NRXN1: variants seen among roughly 807,000 people sequenced by gnomAD.
NRXN1 encodes the protein neurexin-1.
A neutral mutation model predicts 150.9 loss-of-function variants in NRXN1; 39 were observed. That is an observed-to-expected ratio of 0.26 (90% CI 0.20 to 0.34). The LOEUF is 0.34. Ranked by LOEUF, NRXN1 falls within the 10% of genes least tolerant of loss-of-function variation. The pLI, the probability that NRXN1 is intolerant of heterozygous loss-of-function variation, is 1.00. For missense variants in NRXN1, 1,815 were observed against 1,949.9 expected (o/e 0.93, Z 1.30); for synonymous variants, 924 against 757.0 (o/e 1.22, Z -3.62).
chr2:50,653,458 A>G (rs1685932377), intron 5 of NRXN1, among the ~76,000 whole-genome samples: 1 of 152,060 alleles, frequency 6.6e-6, no homozygotes, highest in Non-Finnish European at 1.5e-5. Context: ...TTACAAGAGT[A>G]TATACTTCTA....
chr2:51,017,905 A>ATGC (rs1668980777), intron 2 of NRXN1, among the ~76,000 whole-genome samples: 1 of 152,092 alleles, frequency 6.6e-6, no homozygotes, highest in African/African-American at 2.4e-5. Flanking sequence ...CTATAGTCAT[A>ATGC]TGCTGCCATG....
intron 5 of NRXN1, chr2:50,829,796 G>A: frequency 6.7e-7 from 1 of 1,499,002 alleles, no homozygotes. Flanking sequence ...TATTTATGAA[G>A]TAACTTAACT....
intron 8 of NRXN1, among the ~76,000 whole-genome samples, chr2:50,557,935 A>C (rs777492126): frequency 1.1e-4 from 17 of 152,206 alleles, no homozygotes; most frequent in Non-Finnish European, 1.9e-4. Flanking sequence ...TTGGATGTAC[A>C]CATCAGGCTT....
At chr2:50,181,508 A>C (rs1425809151) in intron 18 of NRXN1, among the ~76,000 whole-genome samples, 2 of 152,126 alleles carry the variant, frequency 1.3e-5, no homozygotes, top group Non-Finnish European at 2.9e-5. Flanking sequence ...TTATGAGGGC[A>C]AATCAGTTAC....
intron 17 of NRXN1, among the ~76,000 whole-genome samples, chr2:50,277,947 C>T (rs967673853): frequency 6.6e-6 from 1 of 151,658 alleles, no homozygotes; most frequent in Admixed American, 6.6e-5. Context: ...ATTAAGTTAC[C>T]AGCACTGTTA....
chr2:50,343,907 T>C (rs2077735440), intron 17 of NRXN1, among the ~76,000 whole-genome samples: 1 of 152,240 alleles, frequency 6.6e-6, no homozygotes, highest in African/African-American at 2.4e-5. Context: ...ACAGCCTAGT[T>C]CATTTGTTCA....
chr2:49,974,830 A>T (rs1216913467), intron 21 of NRXN1, among the ~76,000 whole-genome samples: 1 of 151,322 alleles, frequency 6.6e-6, no homozygotes, highest in Non-Finnish European at 1.5e-5. Flanking sequence ...CCATTTTATC[A>T]ATCATTAAAA....
chr2:50,485,037 T>C (rs928431365), intron 15 of NRXN1, among the ~76,000 whole-genome samples: 5 of 152,320 alleles, frequency 3.3e-5, no homozygotes, highest in African/African-American at 9.6e-5. Flanking sequence ...TCTGTTTCTA[T>C]TGCTTTGTGC....
At chr2:50,683,646 A>AAAAAATATATAT in intron 5 of NRXN1, among the ~76,000 whole-genome samples, 3 of 14,906 alleles carry the variant, frequency 2.0e-4, no homozygotes, top group Admixed American at 1.1e-3. Context: ...AAAAAAAAAA[A>AAAAAATATATAT]ATATATATAT....
intron 8 of NRXN1, among the ~76,000 whole-genome samples, chr2:50,604,640 C>T (rs978796119): frequency 2.6e-5 from 4 of 152,236 alleles, no homozygotes; most frequent in African/African-American, 2.4e-5. Flanking sequence ...TACTACTTTT[C>T]GTTCAGTGCC....
chr2:50,468,183 T>A (rs1487168313), intron 16 of NRXN1, among the ~76,000 whole-genome samples: 1 of 151,532 alleles, frequency 6.6e-6, no homozygotes, highest in Non-Finnish European at 1.5e-5. Flanking sequence ...CAGATTTTGG[T>A]TTTTGTTTTT....
rs1559116231 is a variant in NRXN1, at chr2:50,219,986, TATATATA to T, written c.3546+16796_3546+16802del. Among the ~76,000 whole-genome samples the T allele has an allele frequency of 9.5e-3, 242 of 25,516 alleles. 8 individuals are homozygous for T. The African/African-American group carries it at 0.1, about 11-fold the overall frequency. 16.7% of individuals were successfully genotyped at this position (25,516 alleles called of 152,430 possible). On this transcript the variant is annotated intron_variant, in intron 18 of 22. Coordinates refer to ENST00000401669, the MANE Select transcript of NRXN1 (RefSeq NM_001330078.2). ...TATTATATATATATAATATATATATTATATATAATATATATTATATAATATATTATAT... is the reference window on the plus strand; with the variant it reads ...TATTATATATATATAATATATATATTATATATATTATATAATATATTATAT...
intron 5 of NRXN1, among the ~76,000 whole-genome samples, chr2:50,696,799 T>C (rs1349860264): frequency 2.0e-5 from 3 of 152,174 alleles, no homozygotes; most frequent in Non-Finnish European, 2.9e-5. Context: ...AAGTTTCATA[T>C]ACTACCAGGA....
intron 2 of NRXN1, among the ~76,000 whole-genome samples, chr2:50,929,590 G>C (rs1202103978): frequency 6.6e-6 from 1 of 152,036 alleles, no homozygotes; most frequent in Non-Finnish European, 1.5e-5. Context: ...TTCTGTCCCA[G>C]ATACCAGCAC....
At chr2:50,325,653 C>T (rs1404519796) in intron 17 of NRXN1, among the ~76,000 whole-genome samples, 2 of 152,192 alleles carry the variant, frequency 1.3e-5, no homozygotes, top group Admixed American at 6.5e-5. Flanking sequence ...ACCTATCTAT[C>T]TTCACTATTA....
intron 17 of NRXN1, among the ~76,000 whole-genome samples, chr2:50,358,705 T>A (rs145119625): frequency 2.2e-3 from 329 of 152,336 alleles, no homozygotes; most frequent in African/African-American, 7.3e-3. Flanking sequence ...GAGCAGCAGA[T>A]CTTGCAGCAC....
At chr2:50,267,555 C>A (rs1006641798) in intron 17 of NRXN1, among the ~76,000 whole-genome samples, 1 of 152,086 alleles carries the variant, frequency 6.6e-6, no homozygotes, top group South Asian at 2.1e-4. Context: ...TGCTTGCATT[C>A]TTTGGGGAGC....
In NRXN1 at chr2:50,128,983, CAATAAATA is replaced by C. The variant is rs1553641018; in HGVS notation, c.3547-37497_3547-37490del. Among the ~76,000 whole-genome samples the C allele has an allele frequency of 2.2e-3, 320 of 146,902 alleles. 2 individuals are homozygous for C. Among genetic ancestry groups the C allele is most frequent in the East Asian group, 0.011 (54 of 4,978 alleles). On this transcript the variant is annotated intron_variant, in intron 18 of 22. Coordinates refer to ENST00000401669, the MANE Select transcript of NRXN1 (RefSeq NM_001330078.2). ...GAGCGACAAGAGTGAGACTCCATCT[CAATAAATA>C]AATAAATAAATAAATAAATAAATAA...
Position 50,829,999 on chromosome 2 carries a change from G to GAAAAAAAAAA in NRXN1, c.832+91860_832+91869dup, listed in dbSNP as rs572758147. Reference sequence around the variant, plus strand: ...GGAACCCAAAGAATACTGCCTGCTGGAAAAAAAAAAAAAAAAAAAAAAAAA... The same window carrying GAAAAAAAAAA: ...GGAACCCAAAGAATACTGCCTGCTGGAAAAAAAAAAAAAAAAAAAAAAAAAAAAAAAAAAA... On this transcript the variant is annotated intron_variant, in intron 5 of 22. Coordinates refer to ENST00000401669, the MANE Select transcript of NRXN1 (RefSeq NM_001330078.2). Among the ~76,000 whole-genome samples, 488 of 58,148 alleles carry GAAAAAAAAAA rather than the reference G, an allele frequency of 8.4e-3. 54 individuals are homozygous for GAAAAAAAAAA. Among genetic ancestry groups the GAAAAAAAAAA allele is most frequent in the East Asian group, 0.036 (47 of 1,304 alleles). The allele number at this position is 58,148 out of a possible 152,430, so 38.1% of individuals were successfully genotyped here.
Sources: allele counts gnomAD v4.1 joint callset (sites outside exome capture counted in the v4.1 genomes callset), GRCh38; gene constraint gnomAD v4.1.1; transcripts MANE v1.5; gene names NCBI Gene and HGNC (gene_info 2026-07-23, HGNC 2026-07-21).